The following ADGRL3 variants were observed in gnomAD, a reference collection of about 807,000 sequenced individuals.
ADGRL3 encodes adhesion G protein-coupled receptor L3, also known as calcium-independent alpha-latrotoxin receptor 3.
ADGRL3 carries 62 observed loss-of-function variants against 153.5 expected under a neutral mutation model. That is an observed-to-expected ratio of 0.40 (90% CI 0.33 to 0.50). The LOEUF is 0.50. ADGRL3 is among the 20% of genes least tolerant of loss of function. ADGRL3 has a pLI of 0.47. For synonymous variants in ADGRL3, 710 were observed against 672.5 expected (o/e 1.06, Z -0.86); for missense variants, 1,641 against 1,859.4 (o/e 0.88, Z 2.16).
At position 61,733,190 on chromosome 4, in the gene ADGRL3, A is replaced by G; in HGVS notation, c.1035A>G (p.Ala345=). The G allele has an allele frequency of 6.2e-7, 1 of 1,613,416 alleles. No homozygotes were observed. Among genetic ancestry groups the G allele is most frequent in the Non-Finnish European group, 8.5e-7 (1 of 1,179,680 alleles). ...AGAATGGGCTATGGGTAATCTATGC[A>G]ACAGAACAAAACAATGGTAAAATTG... The part of the protein sequence containing the change: ...VDENGLWVIY[A]TEQNNGKIVI... The change falls in exon 8 of 27, where the codon GCA becomes GCG. Residue 345 remains alanine (A), a synonymous_variant. Coordinates refer to ENST00000683033, the MANE Select transcript of ADGRL3 (RefSeq NM_001387552.1).
At chr4:61,631,203 C>A (rs562245728) in intron 5 of ADGRL3, among the ~76,000 whole-genome samples, 1 of 152,094 alleles carries the variant, frequency 6.6e-6, no homozygotes, top group Non-Finnish European at 1.5e-5. Flanking sequence ...TCTCCGTAAT[C>A]CTGACTTCAC....
At chr4:61,358,137 A>T (rs1168301603) in intron 1 of ADGRL3, among the ~76,000 whole-genome samples, 1 of 152,210 alleles carries the variant, frequency 6.6e-6, no homozygotes, top group African/African-American at 2.4e-5. Flanking sequence ...CATGTTGTCA[A>T]ATCCAAAGTT....
chr4:61,553,193 G>A (rs1184512045), intron 4 of ADGRL3, among the ~76,000 whole-genome samples: 2 of 152,154 alleles, frequency 1.3e-5, no homozygotes, highest in African/African-American at 4.8e-5. Flanking sequence ...TTATATAAAT[G>A]TGCTGTGAAA....
Position 61,863,599 on chromosome 4 carries a change from G to T in ADGRL3, c.1481-29057G>T, listed in dbSNP as rs531278326. Among the ~76,000 whole-genome samples, 31 of 152,150 alleles carry T rather than the reference G, an allele frequency of 2.0e-4. 1 individual carries two copies. The East Asian group carries it at 5.8e-3, about 29-fold the overall frequency. ...TTTTAGGAAAGTGGACATTTATCTT[G>T]GTAGCAATATGCAAACAGACACACA... On this transcript the variant is annotated intron_variant, in intron 9 of 26. Coordinates refer to ENST00000683033, the MANE Select transcript of ADGRL3 (RefSeq NM_001387552.1).
At chr4:61,996,996 T>C (rs962008758) in intron 20 of ADGRL3, among the ~76,000 whole-genome samples, 7 of 141,900 alleles carry the variant, frequency 4.9e-5, no homozygotes, top group South Asian at 2.3e-4. Flanking sequence ...CTATCCATTT[T>C]GTGAAAAAAA....
At chr4:61,979,416 C>A (rs1281898523) in intron 17 of ADGRL3, 147 bp from the exon 18 acceptor site, 2 of 697,550 alleles carry the variant, frequency 2.9e-6, no homozygotes, top group Non-Finnish European at 5.0e-6. Context: ...AAGAGAAAAC[C>A]CAAATCATTA....
At chr4:61,957,537 G>A (rs1211386399) in intron 17 of ADGRL3, among the ~76,000 whole-genome samples, 1 of 138,552 alleles carries the variant, frequency 7.2e-6, no homozygotes, top group Admixed American at 7.9e-5. Flanking sequence ...TTTCTCTCTT[G>A]GTTACATTTA....
intron 1 of ADGRL3, among the ~76,000 whole-genome samples, chr4:61,356,670 C>T (rs2096177412): frequency 6.6e-6 from 1 of 151,904 alleles, no homozygotes; most frequent in Non-Finnish European, 1.5e-5. Context: ...ATTTTATTTG[C>T]TTGGTTTGAT....
intron 5 of ADGRL3, among the ~76,000 whole-genome samples, chr4:61,672,262 C>A (rs2095034637): frequency 6.6e-6 from 1 of 152,012 alleles, no homozygotes. Context: ...TTTCTTTCTT[C>A]TTCATGTAGA....
At chr4:61,499,599 G>GA (rs1396094116) in intron 3 of ADGRL3, among the ~76,000 whole-genome samples, 2 of 152,008 alleles carry the variant, frequency 1.3e-5, no homozygotes, top group African/African-American at 2.4e-5. Flanking sequence ...TTAAGTGCTT[G>GA]AACATGTGAA....
At chr4:61,270,488 T>C (rs1466193594) in intron 1 of ADGRL3, among the ~76,000 whole-genome samples, 1 of 151,804 alleles carries the variant, frequency 6.6e-6, no homozygotes, top group East Asian at 1.9e-4. Context: ...TTATTTGAAA[T>C]TAGACATTTC....
At chr4:61,888,552 T>C (rs2098552165) in intron 9 of ADGRL3, among the ~76,000 whole-genome samples, 1 of 152,200 alleles carries the variant, frequency 6.6e-6, no homozygotes, top group African/African-American at 2.4e-5. Flanking sequence ...CTGCCAAAAG[T>C]TGGCATTGAA....
chr4:61,716,266 C>T (rs1287862087), intron 6 of ADGRL3, among the ~76,000 whole-genome samples: 2 of 152,100 alleles, frequency 1.3e-5, no homozygotes, highest in Non-Finnish European at 2.9e-5. Flanking sequence ...AATCTTAATA[C>T]ATCCCTCATT....
chr4:61,994,939 G>T (rs957482402), intron 19 of ADGRL3, among the ~76,000 whole-genome samples: 1 of 149,122 alleles, frequency 6.7e-6, no homozygotes, highest in Non-Finnish European at 1.5e-5. Context: ...TTGAGACAGG[G>T]TCTCACTCTG....
intron 4 of ADGRL3, among the ~76,000 whole-genome samples, chr4:61,586,287 G>A (rs937815257): frequency 2.0e-5 from 3 of 151,782 alleles, no homozygotes; most frequent in African/African-American, 7.3e-5. Context: ...TTACAGCCAA[G>A]GTGCACAGAT....
At chr4:61,909,413 G>A (rs2098711498) in intron 11 of ADGRL3, 147 bp from the exon 12 acceptor site, 2 of 568,372 alleles carry the variant, frequency 3.5e-6, no homozygotes, top group African/African-American at 3.8e-5. Flanking sequence ...AGGAAAAATT[G>A]GGGAGTGTAT....
In ADGRL3 at chr4:61,484,875, C is replaced by T. The variant is rs550803384; in HGVS notation, c.-173-12246C>T. On this transcript the variant is annotated intron_variant, in intron 2 of 26. Transcript: ENST00000683033. The stretch of plus-strand genomic sequence containing the variant: ...CACCTATTACATAATTTGGTAGGTA[C>T]GTATAAATGCAAATTATCAAACCAT... 2.0e-5 allele frequency among the ~76,000 whole-genome samples: 3 copies of T among 150,138 alleles called. No individual in the cohort carries two copies. The South Asian group carries it at 6.4e-4, about 32-fold the overall frequency.
chr4:61,975,786 G>A (rs115577332), intron 17 of ADGRL3, among the ~76,000 whole-genome samples: 7 of 152,198 alleles, frequency 4.6e-5, no homozygotes, highest in South Asian at 4.1e-4. Flanking sequence ...AATGTAGTGC[G>A]TGAAGGAAAT....
chr4:61,788,394 C>T (rs1422474313), intron 8 of ADGRL3, among the ~76,000 whole-genome samples: 1 of 152,044 alleles, frequency 6.6e-6, no homozygotes, highest in Non-Finnish European at 1.5e-5. Flanking sequence ...CAGCCCAGAA[C>T]CCCGTAGCTC....
Sources: gnomAD v4.1 joint callset for allele counts (sites outside exome capture counted in the v4.1 genomes callset) on GRCh38, gnomAD v4.1.1 for gene constraint, MANE v1.5 for transcripts, NCBI Gene and HGNC (gene_info 2026-07-23, HGNC 2026-07-21) for gene names.